The following HDAC9 variants were observed in gnomAD, a reference collection of about 807,000 sequenced individuals.
HDAC9 encodes the protein histone deacetylase 9.
A neutral mutation model predicts 139.4 loss-of-function variants in HDAC9; 41 were observed. The ratio of observed to expected loss-of-function variants is 0.29; its 90% CI spans 0.23 to 0.38. HDAC9 has a LOEUF of 0.38. Ranked by LOEUF, HDAC9 falls within the 10% of genes least tolerant of loss-of-function variation. HDAC9 has a pLI of 1.00. For missense variants in HDAC9, 1,147 were observed against 1,297.0 expected (o/e 0.88, Z 1.78); for synonymous variants, 517 against 476.2 (o/e 1.09, Z -1.12).
intron 2 of HDAC9, among the ~76,000 whole-genome samples, chr7:18,502,085 T>C (rs116164995): frequency 0.01 from 1,571 of 152,230 alleles, 31 homozygotes; most frequent in African/African-American, 0.036. Context: ...CAAACTGACT[T>C]GTAGCAGTTC....
chr7:18,136,255 C>T (rs1357393895), intron 1 of HDAC9, among the ~76,000 whole-genome samples: 2 of 150,726 alleles, frequency 1.3e-5, no homozygotes, highest in Non-Finnish European at 3.0e-5. Flanking sequence ...TTGTAGGTTG[C>T]CTGTTCACTC....
intron 1 of HDAC9, among the ~76,000 whole-genome samples, chr7:18,345,566 A>G (rs530776757): frequency 5.7e-4 from 70 of 122,934 alleles, no homozygotes; most frequent in African/African-American, 2.1e-3. Context: ...ATTATTCAAC[A>G]GAAGACAAAA....
chr7:18,291,576 T>C (rs1362202210), intron 1 of HDAC9, among the ~76,000 whole-genome samples: 1 of 152,028 alleles, frequency 6.6e-6, no homozygotes, highest in Admixed American at 6.6e-5. Flanking sequence ...TTGTGATTTG[T>C]CCAAGCAGAA....
intron 2 of HDAC9, among the ~76,000 whole-genome samples, chr7:18,215,738 T>C (rs1792261477): frequency 6.6e-6 from 1 of 152,108 alleles, no homozygotes; most frequent in African/African-American, 2.4e-5. Context: ...GGAAAACGTA[T>C]TTACTTCATC....
At chr7:18,865,335 A>G (rs1798410051) in intron 21 of HDAC9, among the ~76,000 whole-genome samples, 3 of 152,188 alleles carry the variant, frequency 2.0e-5, no homozygotes, top group Admixed American at 2.0e-4. Flanking sequence ...GGGTTTGAGA[A>G]AGAGACAGGG....
At chr7:18,634,548 A>G (rs997621114) in intron 7 of HDAC9, 79 bp from the exon 8 acceptor site, 25 of 830,612 alleles carry the variant, frequency 3.0e-5, no homozygotes, top group Non-Finnish European at 4.8e-5. Flanking sequence ...TAACATGCCC[A>G]ATGTTACATG....
chr7:18,095,220 G>A (rs1028466437), intron 1 of HDAC9, among the ~76,000 whole-genome samples: 2 of 151,948 alleles, frequency 1.3e-5, no homozygotes, highest in African/African-American at 4.8e-5. Flanking sequence ...TGCTTCCCCT[G>A]ATTACTACAA....
chr7:18,368,567 AC>A (rs1784362442), intron 1 of HDAC9, among the ~76,000 whole-genome samples: 3 of 151,566 alleles, frequency 2.0e-5, no homozygotes, highest in Non-Finnish European at 4.4e-5. Flanking sequence ...GGGAAAAAAA[AC>A]CCCCAAGGTT....
chr7:18,114,168 G>T (rs993644407), intron 1 of HDAC9, among the ~76,000 whole-genome samples: 1 of 152,194 alleles, frequency 6.6e-6, no homozygotes, highest in Non-Finnish European at 1.5e-5. Context: ...TGATACTGTG[G>T]TCTAAATATC....
At chr7:18,330,165 T>C (rs975070456) in intron 1 of HDAC9, among the ~76,000 whole-genome samples, 1 of 151,774 alleles carries the variant, frequency 6.6e-6, no homozygotes, top group African/African-American at 2.4e-5. Context: ...GTGAAGATTC[T>C]TTTCAGAGAC....
In HDAC9 at chr7:18,648,547, C is replaced by T; in HGVS notation, c.1331C>T (p.Pro444Leu). ...GGCATTAGAGGTACCCACAAATTGC[C>T]CCGTCACAGACCCCTGAACCGAACC... ...SPGIRGTHKL[P>L]RHRPLNRTQS... is the part of the protein sequence containing the mutation. The change falls in exon 11 of 26, where the codon CCC becomes CTC. Residue 444 changes from proline (P) to leucine (L), a missense_variant. Physicochemically the swap from Pro to Leu is moderately conservative, Grantham distance 98. Around this residue, in one of 7 missense-constraint regions of HDAC9, gnomAD observed 264 missense variants for 273.8 expected, o/e 0.96. Transcript: ENST00000686413. The T allele has an allele frequency of 6.2e-7, 1 of 1,613,554 alleles. No individual in the cohort carries two copies. The highest frequency in any genetic ancestry group is 8.5e-7 in the Non-Finnish European group (1 of 1,179,734).
chr7:18,612,475 G>A (rs1357008774), intron 6 of HDAC9, among the ~76,000 whole-genome samples: 3 of 151,928 alleles, frequency 2.0e-5, no homozygotes, highest in Non-Finnish European at 4.4e-5. Flanking sequence ...ATAGAGAAGG[G>A]GTGGGGAAGG....
chr7:18,532,104 T>G (rs371583646), intron 2 of HDAC9, among the ~76,000 whole-genome samples: 1 of 151,900 alleles, frequency 6.6e-6, no homozygotes. Context: ...CAAAATATTA[T>G]CTGGGCATGG....
At chr7:18,552,993 T>A (rs878984640) in intron 2 of HDAC9, among the ~76,000 whole-genome samples, 1 of 152,196 alleles carries the variant, frequency 6.6e-6, no homozygotes, top group African/African-American at 2.4e-5. Flanking sequence ...GTAGTTGCAT[T>A]AACTCTTTGA....
Position 18,666,485 on chromosome 7 carries a change from C to A in HDAC9, c.1731+9C>A, listed in dbSNP as rs759906376. ...CTGCTTTTATGCAACAGGTAATAGG[C>A]AAAGATTTAGCTCCAGGATTTGTAA... On this transcript the variant is annotated intron_variant, in intron 12 of 25. Transcript: ENST00000686413. 2 of 1,604,846 alleles carry A rather than the reference C, an allele frequency of 1.2e-6. No homozygotes were observed. Among genetic ancestry groups the A allele is most frequent in the South Asian group, 2.2e-5 (2 of 90,106 alleles).
At chr7:18,878,952 T>C (rs1356833306) in intron 22 of HDAC9, among the ~76,000 whole-genome samples, 1 of 152,104 alleles carries the variant, frequency 6.6e-6, no homozygotes, top group Non-Finnish European at 1.5e-5. Context: ...ACAAACAACT[T>C]CATCAAAGTT....
At chr7:18,389,192 G>A (rs1786233094) in intron 1 of HDAC9, among the ~76,000 whole-genome samples, 1 of 152,174 alleles carries the variant, frequency 6.6e-6, no homozygotes, top group Non-Finnish European at 1.5e-5. Context: ...ATACTTAAGT[G>A]TTGAGCCTTT....
intron 2 of HDAC9, among the ~76,000 whole-genome samples, chr7:18,187,123 A>G (rs570361649): frequency 3.3e-5 from 5 of 152,354 alleles, no homozygotes; most frequent in African/African-American, 9.6e-5. Context: ...AGTACCTACT[A>G]TGTCCCTGGA....
chr7:18,943,629 A>C (rs1216017445), intron 23 of HDAC9, among the ~76,000 whole-genome samples: 17 of 152,074 alleles, frequency 1.1e-4, no homozygotes, highest in Admixed American at 1.1e-3. Context: ...TCTAAGCCAT[A>C]GTAGTTTTGG....
Sources: allele counts gnomAD v4.1 joint callset (sites outside exome capture counted in the v4.1 genomes callset), GRCh38; gene constraint gnomAD v4.1.1; regional missense constraint gnomAD v4.1.1; transcripts MANE v1.5; gene names NCBI Gene and HGNC (gene_info 2026-07-23, HGNC 2026-07-21).